Variants in PLXNA4 observed in about 807,000 individuals in gnomAD.
The protein encoded by PLXNA4 is plexin-A4.
PLXNA4 carries 44 observed loss-of-function variants against 191.8 expected under a neutral mutation model. The observed-to-expected ratio is 0.23, with a 90% CI of 0.18 to 0.29. PLXNA4 has a LOEUF of 0.29. PLXNA4 is among the 10% of genes least tolerant of loss of function. The probability of loss-of-function intolerance (pLI) is 1.00; values close to 1 mark genes in which losing one functional copy is unlikely to be tolerated. For missense variants in PLXNA4, 1,800 were observed against 2,488.8 expected, an observed-to-expected ratio of 0.72 and a Z score of 5.89; for synonymous variants, 1,082 against 1,009.5, an observed-to-expected ratio of 1.07 and a Z score of -1.36.
intron 5 of PLXNA4, among the ~76,000 whole-genome samples, chr7:132,233,270 T>C (rs1044714996): frequency 1.3e-5 from 2 of 152,186 alleles, no homozygotes; most frequent in Non-Finnish European, 2.9e-5. Context: ...TTGTCCTCCT[T>C]AAGAATGACC....
At chr7:132,402,152 G>T (rs1390207734) in intron 3 of PLXNA4, among the ~76,000 whole-genome samples, 2 of 152,136 alleles carry the variant, frequency 1.3e-5, no homozygotes, top group African/African-American at 4.8e-5. Context: ...GAGTAATCAT[G>T]CAACACCTCT....
intron 3 of PLXNA4, among the ~76,000 whole-genome samples, chr7:132,342,839 CA>C (rs1419081306): frequency 6.7e-6 from 1 of 150,214 alleles, no homozygotes; most frequent in Non-Finnish European, 1.5e-5. Flanking sequence ...CCCAGCTACT[CA>C]GGTGGCTGAG....
chr7:132,161,683 C>G (rs566208061), intron 24 of PLXNA4, among the ~76,000 whole-genome samples: 1 of 151,316 alleles, frequency 6.6e-6, no homozygotes, highest in Non-Finnish European at 1.5e-5. Context: ...GGCTCCCGGG[C>G]GGGCACCTAG....
intron 1 of PLXNA4, among the ~76,000 whole-genome samples, chr7:132,520,442 AG>A (rs1368678993): frequency 7.9e-5 from 12 of 152,186 alleles, no homozygotes; most frequent in African/African-American, 2.9e-4. Context: ...GGAGGCCAGC[AG>A]GAGGCCTCCA....
intron 3 of PLXNA4, among the ~76,000 whole-genome samples, chr7:132,476,734 T>C (rs1052857969): frequency 1.3e-5 from 2 of 152,174 alleles, no homozygotes; most frequent in African/African-American, 4.8e-5. Context: ...GAAAATTAAT[T>C]TGGAAACTTT....
At chr7:132,411,828 G>A (rs1056077980) in intron 3 of PLXNA4, among the ~76,000 whole-genome samples, 1 of 152,076 alleles carries the variant, frequency 6.6e-6, no homozygotes, top group Non-Finnish European at 1.5e-5. Context: ...CATTCACATC[G>A]ATATTTATGC....
upstream of PLXNA4, among the ~76,000 whole-genome samples, chr7:132,580,458 C>G (rs1012166323): frequency 1.3e-5 from 2 of 152,090 alleles, no homozygotes; most frequent in African/African-American, 4.8e-5. Context: ...CTTGCCTGGT[C>G]GTGAAACTGG....
At chr7:132,266,494 C>T (rs1799863830) in intron 4 of PLXNA4, 1 of 152,212 alleles carries the variant, frequency 6.6e-6, no homozygotes, top group Non-Finnish European at 1.5e-5. Context: ...TGAAACTCAT[C>T]AAATGTTTGG....
intron 3 of PLXNA4, among the ~76,000 whole-genome samples, chr7:132,483,615 A>T (rs1036659771): frequency 6.6e-6 from 1 of 152,248 alleles, no homozygotes; most frequent in Non-Finnish European, 1.5e-5. Flanking sequence ...GTGTTTGTGC[A>T]GCACTTTCTT....
chr7:132,149,277 ATTGT>A (rs1311761606), intron 25 of PLXNA4, among the ~76,000 whole-genome samples: 1 of 152,132 alleles, frequency 6.6e-6, no homozygotes, highest in Middle Eastern at 3.2e-3. Flanking sequence ...CCAACACCTA[ATTGT>A]TTGATGTTAC....
At chr7:132,618,120 C>T (rs1803191098) in intron 2 of PLXNA4, among the ~76,000 whole-genome samples, 1 of 152,224 alleles carries the variant, frequency 6.6e-6, no homozygotes, top group South Asian at 2.1e-4. Context: ...CCAAACTCAG[C>T]TGCAAGGGAG....
At chr7:132,155,163 T>A (rs1479905921) in intron 25 of PLXNA4, among the ~76,000 whole-genome samples, 1 of 152,194 alleles carries the variant, frequency 6.6e-6, no homozygotes, top group African/African-American at 2.4e-5. Context: ...AGCATTTGCA[T>A]TAAACTACAG....
intron 4 of PLXNA4, among the ~76,000 whole-genome samples, chr7:132,285,319 C>T (rs538317256): frequency 1.8e-4 from 27 of 152,338 alleles, no homozygotes; most frequent in Middle Eastern, 6.8e-3. Context: ...ACCTTCAAGC[C>T]ACCCAGCTTG....
At chr7:132,613,089 C>G (rs1803084837) in intron 2 of PLXNA4, among the ~76,000 whole-genome samples, 1 of 152,102 alleles carries the variant, frequency 6.6e-6, no homozygotes, top group South Asian at 2.1e-4. Flanking sequence ...ACTCGGAAGA[C>G]AGAGAGGAAA....
At chr7:132,613,217 A>C (rs541302085) in intron 2 of PLXNA4, among the ~76,000 whole-genome samples, 1 of 152,118 alleles carries the variant, frequency 6.6e-6, no homozygotes, top group African/African-American at 2.4e-5. Flanking sequence ...GCACTTTTCC[A>C]ACTCGGGATC....
intron 9 of PLXNA4, among the ~76,000 whole-genome samples, chr7:132,218,407 G>T (rs1798038143): frequency 6.6e-6 from 1 of 152,218 alleles, no homozygotes. Flanking sequence ...TTGCACACCT[G>T]GGGGCCAGAT....
chr7:132,213,368 T>C (rs992181910), intron 9 of PLXNA4, among the ~76,000 whole-genome samples: 2 of 152,348 alleles, frequency 1.3e-5, no homozygotes, highest in Admixed American at 1.3e-4. Flanking sequence ...AGATGGTAAA[T>C]GTTATGATAT....
chr7:132,157,626 C>T (rs1451150596), intron 25 of PLXNA4, among the ~76,000 whole-genome samples: 1 of 152,202 alleles, frequency 6.6e-6, no homozygotes, highest in South Asian at 2.1e-4. Flanking sequence ...GGAGCCTGCT[C>T]CTATCACAGC....
upstream of PLXNA4, among the ~76,000 whole-genome samples, chr7:132,582,147 A>C (rs1802413742): frequency 6.6e-6 from 1 of 152,166 alleles, no homozygotes; most frequent in Non-Finnish European, 1.5e-5. Context: ...ACTGGATACA[A>C]TTCACGTCTC....
Sources: allele counts gnomAD v4.1 joint callset (sites outside exome capture counted in the v4.1 genomes callset), GRCh38; gene constraint gnomAD v4.1.1; transcripts MANE v1.5; gene names NCBI Gene and HGNC (gene_info 2026-07-23, HGNC 2026-07-21).